Variants in ASAH2 observed in about 807,000 individuals in gnomAD.
ASAH2 encodes the protein neutral ceramidase.
In ASAH2, 58 loss-of-function variants were observed where a neutral mutation model predicts 82.9. That is an observed-to-expected ratio of 0.70 (90% CI 0.57 to 0.87). The LOEUF (loss-of-function observed/expected upper bound fraction) is 0.87, where lower values mean the gene tolerates loss of function less well. ASAH2 is among the 40% of genes least tolerant of loss of function. The pLI, the probability that ASAH2 is intolerant of heterozygous loss-of-function variation, is 0.00. For missense variants in ASAH2, 779 were observed against 834.0 expected (o/e 0.93, Z 0.81); for synonymous variants, 276 against 289.7 (o/e 0.95, Z 0.48).
rs1564838353 is a variant in ASAH2 at position 50,210,827 on chromosome 10, T to C, written c.1410A>G (p.Thr470=). 7 of 1,610,238 alleles carry C rather than the reference T, an allele frequency of 4.3e-6. No individual in the cohort carries two copies. The highest frequency in any genetic ancestry group is 5.9e-6 in the Non-Finnish European group (7 of 1,176,500). The change falls in exon 12 of 21, where the codon ACA becomes ACG. Residue 470 remains threonine, a synonymous_variant. Coordinates refer to ENST00000682911, the MANE Select transcript of ASAH2 (RefSeq NM_019893.4). The part of the protein sequence containing the change: ...TIDGVGGLNF[T]QGKTEGDPFW... Reference sequence around the variant, plus strand: ...TTTTACTGGACTTCACCTTACCCTGTGTAAAATTGAGGCCTCCAACTCCAT... The same window carrying C: ...TTTTACTGGACTTCACCTTACCCTGCGTAAAATTGAGGCCTCCAACTCCAT...
At position 50,204,944 on chromosome 10, in the gene ASAH2, A is replaced by G. The variant is rs1735499877; in HGVS notation, c.1542T>C (p.Pro514=). The change falls in exon 14 of 21, where the codon CCT becomes CCC. Residue 514 remains proline (P), a synonymous_variant. Transcript: ENST00000682911. ...ILLHTGELSK[P]HPWHPDIVDV... ...CAACAATGTCTGGATGCCAGGGGTGAGGTTTTGATAGCTGAGAACCCAAAA... is the reference window on the plus strand; with the variant it reads ...CAACAATGTCTGGATGCCAGGGGTGGGGTTTTGATAGCTGAGAACCCAAAA... 1 of 1,608,814 alleles carries G rather than the reference A, an allele frequency of 6.2e-7. No homozygotes were observed.
rs372733179 is a variant in ASAH2 at position 50,245,461 on chromosome 10, C to G, written c.128-7G>C. 13 of 1,606,760 alleles carry G rather than the reference C, an allele frequency of 8.1e-6. No individual in the cohort carries two copies. The highest frequency in any genetic ancestry group is 2.7e-5 in the African/African-American group (2 of 74,660). ...AAAAAATGGCCTCCTAAATCTAAAA[C>G]AGAATAAGAGATTTGAGAAACAACA... On this transcript the variant is annotated splice_region_variant and splice_polypyrimidine_tract_variant and intron_variant, in intron 2 of 20. Coordinates refer to ENST00000682911, the MANE Select transcript of ASAH2 (RefSeq NM_019893.4).
chr10:50,213,120 G>T (rs1306971091), intron 9 of ASAH2, 62 bp from the exon 10 acceptor site: 1 of 1,365,164 alleles, frequency 7.3e-7, no homozygotes, highest in Non-Finnish European at 1.0e-6. Context: ...AAGGAATAAA[G>T]AATTATAACT....
At chr10:50,243,787 C>T (rs1024306710) in intron 3 of ASAH2, among the ~76,000 whole-genome samples, 6 of 152,196 alleles carry the variant, frequency 3.9e-5, no homozygotes, top group East Asian at 1.9e-4. Context: ...TGCCCAGGAA[C>T]ATTTTAAAGG....
chr10:50,227,644 A>T (rs962278), intron 7 of ASAH2, among the ~76,000 whole-genome samples: 110,442 of 151,908 alleles, frequency 0.73, 43,548 homozygotes, highest in Non-Finnish European at 0.88. Flanking sequence ...TAGAAAAAAA[A>T]AATAATCTCC....
At chr10:50,195,039 A>G (rs1384836493) in intron 18 of ASAH2, among the ~76,000 whole-genome samples, 11 of 151,514 alleles carry the variant, frequency 7.3e-5, no homozygotes, top group South Asian at 2.1e-4. Flanking sequence ...GCAAAAACAG[A>G]CACATATTAC....
chr10:50,233,420 A>C (rs1846064924), intron 6 of ASAH2, among the ~76,000 whole-genome samples, 159 bp from the exon 7 acceptor site: 1 of 152,168 alleles, frequency 6.6e-6, no homozygotes, highest in Non-Finnish European at 1.5e-5. Context: ...TACCTCATTT[A>C]TCAGCTAAGG....
At chr10:50,225,933 AAC>A (rs1845872213) in intron 7 of ASAH2, among the ~76,000 whole-genome samples, 1 of 151,960 alleles carries the variant, frequency 6.6e-6, no homozygotes, top group African/African-American at 2.4e-5. Context: ...TCTACTAAAA[AAC>A]TACAAAAATT....
intron 18 of ASAH2, among the ~76,000 whole-genome samples, chr10:50,195,058 A>G (rs1319857711): frequency 4.6e-5 from 7 of 151,314 alleles, no homozygotes; most frequent in Admixed American, 4.6e-4. Flanking sequence ...ACATCAAACT[A>G]AACAGTTTCT....
intron 4 of ASAH2, 79 bp from the exon 5 acceptor site, chr10:50,236,143 A>G (rs1177253782): frequency 3.2e-6 from 4 of 1,240,012 alleles, no homozygotes; most frequent in Admixed American, 1.7e-5. Flanking sequence ...GATGAGTTCA[A>G]TCACTGATCC....
intron 16 of ASAH2, 129 bp downstream of exon 16, chr10:50,202,700 C>G (rs973332440): frequency 1.4e-6 from 1 of 738,004 alleles, no homozygotes; most frequent in African/African-American, 1.7e-5. Flanking sequence ...ATCCTCTTAC[C>G]TGTTATACCT....
chr10:50,198,568 A>G (rs1311793973), intron 17 of ASAH2, among the ~76,000 whole-genome samples: 1 of 151,690 alleles, frequency 6.6e-6, no homozygotes, highest in African/African-American at 2.4e-5. Context: ...ATGCATCCCA[A>G]TTTCCAAGAT....
chr10:50,211,148 A>T lies in ASAH2; in HGVS notation c.1228-14T>A, dbSNP rs893122130. Reference sequence around the variant, plus strand: ...GGCATAGAGTTCCTAGAAAACACACAGGCTTATTATTCCAAGCAAAAAGGC... The same window carrying T: ...GGCATAGAGTTCCTAGAAAACACACTGGCTTATTATTCCAAGCAAAAAGGC... On this transcript the variant is annotated splice_polypyrimidine_tract_variant and intron_variant, in intron 10 of 20. Coordinates refer to ENST00000682911, the MANE Select transcript of ASAH2 (RefSeq NM_019893.4). The T allele has an allele frequency of 6.3e-7, 1 of 1,588,812 alleles. No individual in the cohort carries two copies. Among genetic ancestry groups the T allele is most frequent in the Non-Finnish European group, 8.6e-7 (1 of 1,157,196 alleles).
intron 16 of ASAH2, among the ~76,000 whole-genome samples, chr10:50,201,432 A>T (rs1468756433): frequency 6.6e-6 from 1 of 152,036 alleles, no homozygotes; most frequent in South Asian, 2.1e-4. Flanking sequence ...ACCACATGGA[A>T]TTTGCTCCTG....
chr10:50,245,203 G>A lies in ASAH2; in HGVS notation c.360+19C>T. The stretch of plus-strand genomic sequence containing the variant: ...TTACTTGTTTCACAGTCTCCTTAAG[G>A]AGCCCATTGTCTACTTGCCAAATTG... On this transcript the variant is annotated intron_variant, in intron 3 of 20. Transcript: ENST00000682911. The A allele has an allele frequency of 6.4e-7, 1 of 1,565,952 alleles. No homozygotes were observed. The highest frequency in any genetic ancestry group is 1.4e-5 in the African/African-American group (1 of 73,864).
rs368904062 is a variant in ASAH2, at chr10:50,243,268, A to C, written c.444T>G (p.Asp148Glu). The change falls in exon 4 of 21, where the codon GAT becomes GAG. Residue 148 changes from aspartate (D) to glutamate (E), a missense_variant. By Grantham distance (45) the Asp-to-Glu change is conservative (BLOSUM62 2). Coordinates refer to ENST00000682911, the MANE Select transcript of ASAH2 (RefSeq NM_019893.4). ...YSRAFIMAEP[D>E]GSNRTVFVSI... ...TGACAAACACTGTTCGATTGGACCCATCAGGTTCTGCCATGATGAAGGCAC... is the reference window on the plus strand; with the variant it reads ...TGACAAACACTGTTCGATTGGACCCCTCAGGTTCTGCCATGATGAAGGCAC... 1.9e-6 allele frequency: 3 copies of C among 1,614,046 alleles called. No individual in the cohort carries two copies. Among genetic ancestry groups the C allele is most frequent in the Non-Finnish European group, 2.5e-6 (3 of 1,180,004 alleles).
intron 4 of ASAH2, among the ~76,000 whole-genome samples, chr10:50,242,630 ATCTCTC>A (rs35374449): frequency 6.6e-6 from 1 of 150,880 alleles, no homozygotes; most frequent in African/African-American, 2.4e-5. Flanking sequence ...CTCGCTTTCT[ATCTCTC>A]TCTCTCTCTC....
chr10:50,234,467 C>G lies in ASAH2; in HGVS notation c.773G>C (p.Ser258Thr). 1 of 1,613,066 alleles carries G rather than the reference C, an allele frequency of 6.2e-7. No individual in the cohort carries two copies. The highest frequency in any genetic ancestry group is 8.5e-7 in the Non-Finnish European group (1 of 1,179,296). Reference protein sequence around the residue: ...GNVDGVQINRSPYSYLQNPQS... With the variant: ...GNVDGVQINRTPYSYLQNPQS... ...CGGATTTTGAAGGTAAGAATACGGA[C>G]TTCTGTTGATCTGCACACCATCCAC... is the stretch of plus-strand genomic sequence containing the variant. The change falls in exon 6 of 21, where the codon AGT becomes ACT. Residue 258 changes from serine (S) to threonine (T), a missense_variant. Around this residue, in one of 3 missense-constraint regions of ASAH2, gnomAD observed 759 missense variants for 755.2 expected, o/e 1.00. Coordinates refer to ENST00000682911, the MANE Select transcript of ASAH2 (RefSeq NM_019893.4).
chr10:50,203,995 G>C (rs1845228060), intron 14 of ASAH2, among the ~76,000 whole-genome samples: 1 of 151,982 alleles, frequency 6.6e-6, no homozygotes, highest in Non-Finnish European at 1.5e-5. Flanking sequence ...GTTTATAAAA[G>C]CTGAGGTAGG....
Sources: gnomAD v4.1 joint callset for allele counts (sites outside exome capture counted in the v4.1 genomes callset) on GRCh38, gnomAD v4.1.1 for gene constraint, gnomAD v4.1.1 regional missense constraint, MANE v1.5 for transcripts, NCBI Gene and HGNC (gene_info 2026-07-23, HGNC 2026-07-21) for gene names.